The following SHC4 variants were observed in gnomAD, a reference collection of about 807,000 sequenced individuals.
SHC4 encodes the protein SHC adaptor protein 4.
SHC4 carries 41 observed loss-of-function variants against 69.4 expected under a neutral mutation model. That is an observed-to-expected ratio of 0.59 (90% CI 0.46 to 0.77). The LOEUF (loss-of-function observed/expected upper bound fraction) is 0.77, where lower values mean the gene tolerates loss of function less well. Ranked by LOEUF, SHC4 falls within the 30% of genes least tolerant of loss-of-function variation. The pLI is 0.00. For missense variants in SHC4, 777 were observed against 783.8 expected, an observed-to-expected ratio of 0.99 and a Z score of 0.10; for synonymous variants, 318 against 299.3, an observed-to-expected ratio of 1.06 and a Z score of -0.64.
chr15:48,952,594 A>T (rs942869005), intron 1 of SHC4, among the ~76,000 whole-genome samples: 2 of 152,230 alleles, frequency 1.3e-5, no homozygotes, highest in Non-Finnish European at 2.9e-5. Context: ...CAAGAAAAAA[A>T]ACCCATTGAA....
intron 8 of SHC4, 93 bp from the exon 9 acceptor site, chr15:48,851,341 G>T: frequency 8.3e-7 from 1 of 1,201,456 alleles, no homozygotes; most frequent in African/African-American, 1.5e-5. Flanking sequence ...GAAGAATATA[G>T]CAGACTTCAC....
At chr15:48,861,307 T>C (rs576912711) in intron 6 of SHC4, among the ~76,000 whole-genome samples, 51 of 152,304 alleles carry the variant, frequency 3.3e-4, no homozygotes, top group African/African-American at 1.2e-3. Flanking sequence ...GTGGTGTCTG[T>C]CTGTCTCCAG....
intron 1 of SHC4, among the ~76,000 whole-genome samples, chr15:48,949,326 A>C (rs1901328412): frequency 1.3e-5 from 2 of 150,492 alleles, no homozygotes; most frequent in Non-Finnish European, 3.0e-5. Context: ...AGCCTAGATC[A>C]TGCCACTGCA....
At chr15:48,961,215 C>A (rs191847094) in intron 1 of SHC4, among the ~76,000 whole-genome samples, 1 of 152,304 alleles carries the variant, frequency 6.6e-6, no homozygotes, top group East Asian at 1.9e-4. Context: ...AATCAACCAA[C>A]TGGTCTTTTA....
At chr15:48,954,460 C>T (rs1901411007) in intron 1 of SHC4, among the ~76,000 whole-genome samples, 1 of 152,206 alleles carries the variant, frequency 6.6e-6, no homozygotes, top group South Asian at 2.1e-4. Context: ...TTTTAACAAG[C>T]ATTTTTAACT....
intron 1 of SHC4, among the ~76,000 whole-genome samples, chr15:48,940,029 C>T (rs990588977): frequency 6.6e-6 from 1 of 152,210 alleles, no homozygotes; most frequent in Non-Finnish European, 1.5e-5. Flanking sequence ...GAAGGATGGG[C>T]CCAGACACAG....
At position 48,825,695 on chromosome 15, in the gene SHC4, G is replaced by T. The variant is rs1480716058; in HGVS notation, c.*276C>A. 1.0e-5 allele frequency: 3 copies of T among 292,382 alleles called. No individual in the cohort carries two copies. Among genetic ancestry groups the T allele is most frequent in the Non-Finnish European group, 1.9e-5 (3 of 158,032 alleles). 18.1% of individuals were successfully genotyped at this position (292,382 alleles called of 1,614,324 possible). On this transcript the variant is annotated 3_prime_UTR_variant, in exon 12 of 12. Coordinates refer to ENST00000332408, the MANE Select transcript of SHC4 (RefSeq NM_203349.4). ...GAAATTTTAGTTGTGCTTTTAGCTT[G>T]TTATCAATGCAATATGGCCTTAAAA...
chr15:48,917,177 T>C (rs1320425565), intron 2 of SHC4, among the ~76,000 whole-genome samples: 2 of 151,932 alleles, frequency 1.3e-5, no homozygotes, highest in Non-Finnish European at 2.9e-5. Flanking sequence ...TTTTTTCTTC[T>C]TTACTTGATG....
chr15:48,930,408 T>C (rs999542378), intron 1 of SHC4, among the ~76,000 whole-genome samples: 4 of 152,252 alleles, frequency 2.6e-5, no homozygotes, highest in Admixed American at 6.5e-5. Context: ...AGAATATACC[T>C]GCATCTTGGC....
intron 8 of SHC4, among the ~76,000 whole-genome samples, chr15:48,855,599 T>A (rs745359477): frequency 6.6e-6 from 1 of 152,028 alleles, no homozygotes; most frequent in Admixed American, 6.6e-5. Context: ...CAGGAGAGGT[T>A]TGGATGAGAA....
chr15:48,856,851 T>C lies in SHC4; in HGVS notation c.1071-727A>G, dbSNP rs372363763. Among the ~76,000 whole-genome samples the C allele has an allele frequency of 3.1e-4, 47 of 151,814 alleles. No homozygotes were observed. In the South Asian group the frequency reaches 5.2e-3, roughly 17 times the overall value. ...TCAACTGACAACTCACACAGTTTTG[T>C]TAGGTTCATTACATGTCAATAAAAT... On this transcript the variant is annotated intron_variant, in intron 7 of 11. Coordinates refer to ENST00000332408, the MANE Select transcript of SHC4 (RefSeq NM_203349.4).
rs1039469799 is a variant in SHC4 at position 48,824,658 on chromosome 15, G to C, written c.*1313C>G. 1.3e-5 allele frequency: 2 copies of C among 152,104 alleles called. No individual in the cohort carries two copies. The highest frequency in any genetic ancestry group is 4.8e-5 in the African/African-American group (2 of 41,422). The allele number at this position is 152,104 out of a possible 1,614,324, so 9.4% of individuals were successfully genotyped here. On this transcript the variant is annotated 3_prime_UTR_variant, in exon 12 of 12. Coordinates refer to ENST00000332408, the MANE Select transcript of SHC4 (RefSeq NM_203349.4). ...TTTTTTACCTTAACTATACAGACTG[G>C]TTATCAATAACGACCTCTAACAAAT...
At position 48,953,076 on chromosome 15, in the gene SHC4, C is replaced by T. The variant is rs149564530; in HGVS notation, c.585+9355G>A. On this transcript the variant is annotated intron_variant, in intron 1 of 11. Coordinates refer to ENST00000332408, the MANE Select transcript of SHC4 (RefSeq NM_203349.4). ...TGTGGTACATATATACCATGGAATA[C>T]TATGCAGCCATAAAAACGAATGAGA... 6.3e-3 allele frequency among the ~76,000 whole-genome samples: 963 copies of T among 152,336 alleles called. 7 individuals are homozygous for T. Among genetic ancestry groups the T allele is most frequent in the African/African-American group, 0.022 (933 of 41,570 alleles).
intron 1 of SHC4, 100 bp downstream of exon 1, chr15:48,962,331 C>T (rs1595771950): frequency 1.6e-6 from 2 of 1,277,670 alleles, no homozygotes; most frequent in Non-Finnish European, 2.1e-6. Flanking sequence ...CCTGTCCAAA[C>T]ACAGAACCCA....
In SHC4 at chr15:48,834,763, T is replaced by C. The variant is rs939897859; in HGVS notation, c.1737+6A>G. 1.9e-6 allele frequency: 3 copies of C among 1,613,764 alleles called. No individual in the cohort carries two copies. In the African/African-American group the frequency reaches 4.0e-5, roughly 22 times the overall value. On this transcript the variant is annotated splice_donor_region_variant and intron_variant, in intron 11 of 11. Transcript: ENST00000332408. ...TGTGAAACCTCTAATGAGAAGTCAA[T>C]GATACCTTGCCTTCAGGATCCACCA...
chr15:48,920,971 AAGG>A (rs1314857850), intron 2 of SHC4, among the ~76,000 whole-genome samples: 4 of 151,826 alleles, frequency 2.6e-5, no homozygotes, highest in Non-Finnish European at 5.9e-5. Flanking sequence ...GGTGAAGAAG[AAGG>A]AGAAGGAGGA....
At chr15:48,892,360 T>C (rs1002615480) in intron 2 of SHC4, among the ~76,000 whole-genome samples, 2 of 152,190 alleles carry the variant, frequency 1.3e-5, no homozygotes, top group African/African-American at 2.4e-5. Flanking sequence ...TTTTGCATAA[T>C]TATCTGCAAC....
intron 7 of SHC4, among the ~76,000 whole-genome samples, chr15:48,856,410 C>A (rs1244738881): frequency 1.3e-5 from 2 of 152,030 alleles, no homozygotes; most frequent in Non-Finnish European, 2.9e-5. Context: ...ATATGAACTT[C>A]CTAAATGTAA....
intron 9 of SHC4, among the ~76,000 whole-genome samples, chr15:48,846,570 T>G (rs1899096825): frequency 6.6e-6 from 1 of 152,184 alleles, no homozygotes; most frequent in South Asian, 2.1e-4. Flanking sequence ...TCCCTAAGGT[T>G]GGGAATGGTG....
Sources: gnomAD v4.1 joint callset for allele counts (sites outside exome capture counted in the v4.1 genomes callset) on GRCh38, gnomAD v4.1.1 for gene constraint, MANE v1.5 for transcripts, NCBI Gene and HGNC (gene_info 2026-07-23, HGNC 2026-07-21) for gene names.